ERC1: variants seen among roughly 807,000 people sequenced by gnomAD.
The protein encoded by ERC1 is ELKS/RAB6-interacting/CAST family member 1.
ERC1 carries 56 observed loss-of-function variants against 132.0 expected under a neutral mutation model. The ratio of observed to expected loss-of-function variants is 0.42; its 90% CI spans 0.34 to 0.53. ERC1 has a LOEUF of 0.53. Ranked by LOEUF, ERC1 falls within the 20% of genes least tolerant of loss-of-function variation. The pLI is 0.03. For synonymous variants in ERC1, 478 were observed against 476.1 expected (o/e 1.00, Z -0.05); for missense variants, 1,202 against 1,349.9 (o/e 0.89, Z 1.72).
chr12:1,484,977 G>A (rs1370364026), intron 18 of ERC1, among the ~76,000 whole-genome samples: 1 of 151,212 alleles, frequency 6.6e-6, no homozygotes, highest in Non-Finnish European at 1.5e-5. Context: ...CAACCTCCTG[G>A]GCTCAAGAGT....
chr12:1,271,047 A>T (rs893975265), intron 14 of ERC1, among the ~76,000 whole-genome samples: 16 of 152,212 alleles, frequency 1.1e-4, no homozygotes, highest in African/African-American at 3.6e-4. Flanking sequence ...TTTAATACCC[A>T]AGAAATTAGA....
At chr12:1,099,382 G>A (rs573654815) in intron 3 of ERC1, among the ~76,000 whole-genome samples, 5 of 152,040 alleles carry the variant, frequency 3.3e-5, no homozygotes, top group East Asian at 1.9e-4. Context: ...TTAGTTGGCC[G>A]AAAACATACC....
At chr12:1,111,078 C>T (rs1230638754) in intron 5 of ERC1, among the ~76,000 whole-genome samples, 2 of 151,924 alleles carry the variant, frequency 1.3e-5, no homozygotes, top group African/African-American at 4.8e-5. Context: ...AACGGAAAGC[C>T]CTTTCTTTGC....
chr12:1,388,910 C>T (rs1043670904), intron 16 of ERC1, among the ~76,000 whole-genome samples: 8 of 152,214 alleles, frequency 5.3e-5, no homozygotes, highest in African/African-American at 1.9e-4. Context: ...AAGTCCACCG[C>T]AGATCTTGCC....
chr12:1,218,675 C>T (rs1234735970), intron 12 of ERC1, among the ~76,000 whole-genome samples: 1 of 151,976 alleles, frequency 6.6e-6, no homozygotes, highest in Non-Finnish European at 1.5e-5. Flanking sequence ...CATTTCCTTC[C>T]TTGAAACACT....
At chr12:1,173,656 A>G (rs1036275165) in intron 8 of ERC1, among the ~76,000 whole-genome samples, 6 of 152,250 alleles carry the variant, frequency 3.9e-5, no homozygotes, top group Non-Finnish European at 8.8e-5. Flanking sequence ...TAAAAATGGC[A>G]TAATACATAC....
intron 12 of ERC1, among the ~76,000 whole-genome samples, chr12:1,215,305 CT>C (rs138145312): frequency 6.6e-6 from 1 of 151,842 alleles, no homozygotes; most frequent in Non-Finnish European, 1.5e-5. Context: ...AAGCAGCAAA[CT>C]TTTTTTAAAA....
At position 1,328,299 on chromosome 12, in the gene ERC1, A is replaced by G. The variant is rs2082604610; in HGVS notation, c.2780+38287A>G. On this transcript the variant is annotated intron_variant, in intron 15 of 18. Transcript: ENST00000360905. ...GTAGCTGAGACCACAGATGCATGCC[A>G]TGATGTCCAGCTTAATTTTTTTTTG... Among the ~76,000 whole-genome samples, 3 of 152,190 alleles carry G rather than the reference A, an allele frequency of 2.0e-5. No homozygotes were observed. In the South Asian group the frequency reaches 6.2e-4, roughly 32 times the overall value.
At chr12:1,003,352 T>C (rs776349122) in intron 1 of ERC1, among the ~76,000 whole-genome samples, 31 of 152,210 alleles carry the variant, frequency 2.0e-4, no homozygotes, top group Admixed American at 6.5e-5. Flanking sequence ...GTATTATAAA[T>C]AGAATTCTAA....
chr12:1,151,837 C>G (rs1336237929), intron 8 of ERC1: 1 of 152,242 alleles, frequency 6.6e-6, no homozygotes, highest in Non-Finnish European at 1.5e-5. Context: ...AGACAACTTT[C>G]TGAAATGCTT....
At chr12:1,330,168 C>T (rs887665360) in intron 15 of ERC1, among the ~76,000 whole-genome samples, 1 of 152,116 alleles carries the variant, frequency 6.6e-6, no homozygotes, top group Non-Finnish European at 1.5e-5. Context: ...ACATAATACA[C>T]GACAATGGGA....
In ERC1 at chr12:1,311,524, T is replaced by A. The variant is rs897819781; in HGVS notation, c.2780+21512T>A. Among the ~76,000 whole-genome samples, 13 of 152,222 alleles carry A rather than the reference T, an allele frequency of 8.5e-5. No individual in the cohort carries two copies. In the East Asian group the frequency reaches 2.5e-3, roughly 29 times the overall value. On this transcript the variant is annotated intron_variant, in intron 15 of 18. Coordinates refer to ENST00000360905, the MANE Select transcript of ERC1 (RefSeq NM_178040.4). Reference sequence around the variant, plus strand: ...TTATTAACCTAATTTTTATTGTCACTTCTAACCTAAATACATAGTTGTCCT... The same window carrying A: ...TTATTAACCTAATTTTTATTGTCACATCTAACCTAAATACATAGTTGTCCT...
At chr12:1,071,957 T>G (rs1940447393) in intron 2 of ERC1, among the ~76,000 whole-genome samples, 1 of 152,026 alleles carries the variant, frequency 6.6e-6, no homozygotes, top group Admixed American at 6.6e-5. Flanking sequence ...AAAAACTAGC[T>G]AGGCTTGGTG....
chr12:1,278,999 G>A (rs952782988), intron 14 of ERC1, among the ~76,000 whole-genome samples: 1 of 152,116 alleles, frequency 6.6e-6, no homozygotes, highest in Middle Eastern at 3.2e-3. Flanking sequence ...TGAACTTGGA[G>A]TGTAAATTAG....
At chr12:1,095,145 G>A (rs1263535298) in intron 3 of ERC1, among the ~76,000 whole-genome samples, 2 of 152,034 alleles carry the variant, frequency 1.3e-5, no homozygotes, top group Non-Finnish European at 2.9e-5. Flanking sequence ...ATTAAATTTT[G>A]TTTCTCAGGC....
chr12:1,346,960 A>AAAAAAG (rs1006260266), intron 15 of ERC1, among the ~76,000 whole-genome samples: 1 of 149,650 alleles, frequency 6.7e-6, no homozygotes, highest in African/African-American at 2.5e-5. Flanking sequence ...AAAAAAAAAA[A>AAAAAAG]AGAGAGAGAT....
chr12:1,438,954 A>AAAAAAAATATATATATATATATATAT (rs1015181197), intron 17 of ERC1, among the ~76,000 whole-genome samples: 55 of 143,532 alleles, frequency 3.8e-4, no homozygotes, highest in African/African-American at 1.4e-3. Flanking sequence ...TTTAAAAAAA[A>AAAAAAAATATATATATATATATATAT]ATATATATAT....
At chr12:1,209,589 A>G (rs961565344) in intron 12 of ERC1, among the ~76,000 whole-genome samples, 3 of 152,146 alleles carry the variant, frequency 2.0e-5, no homozygotes, top group Non-Finnish European at 2.9e-5. Flanking sequence ...ATATTGGGTA[A>G]TTTGATTATT....
At chr12:1,132,739 GAAGAA>G (rs1424977718) in intron 7 of ERC1, among the ~76,000 whole-genome samples, 1 of 152,090 alleles carries the variant, frequency 6.6e-6, no homozygotes, top group Non-Finnish European at 1.5e-5. Flanking sequence ...TTAATGCTTA[GAAGAA>G]CTGAGAGACA....
Sources: allele counts gnomAD v4.1 joint callset (sites outside exome capture counted in the v4.1 genomes callset), GRCh38; gene constraint gnomAD v4.1.1; transcripts MANE v1.5; gene names NCBI Gene and HGNC (gene_info 2026-07-23, HGNC 2026-07-21).